The following CUL2 variants were observed in gnomAD, a reference collection of about 807,000 sequenced individuals.
CUL2 encodes the protein cullin 2.
In CUL2, 22 loss-of-function variants were observed where a neutral mutation model predicts 110.2. The ratio of observed to expected loss-of-function variants is 0.20; its 90% confidence interval spans 0.14 to 0.28. CUL2 has a LOEUF of 0.28. CUL2 is among the 10% of genes least tolerant of loss of function. The probability of loss-of-function intolerance (pLI) is 1.00; values close to 1 mark genes in which losing one functional copy is unlikely to be tolerated. For missense variants in CUL2, 631 were observed against 905.5 expected (o/e 0.70, Z 3.89); for synonymous variants, 279 against 293.2 (o/e 0.95, Z 0.49).
chr10:35,032,925 A>G (rs751459576), intron 11 of CUL2, among the ~76,000 whole-genome samples: 95 of 152,342 alleles, frequency 6.2e-4, no homozygotes, highest in Non-Finnish European at 9.4e-4. Flanking sequence ...GTCTATCCAG[A>G]ACATATCAGA....
upstream of CUL2, among the ~76,000 whole-genome samples, chr10:35,092,991 C>G (rs112355429): frequency 3.3e-5 from 5 of 152,214 alleles, 1 homozygote; most frequent in African/African-American, 1.2e-4. Context: ...CAGTATTGTA[C>G]AACTTTAGAT....
At chr10:35,074,228 A>C in intron 1 of CUL2, 1 of 1,535,144 alleles carries the variant, frequency 6.5e-7, no homozygotes, top group African/African-American at 1.4e-5. Flanking sequence ...TCTGTACATA[A>C]AGTACAAAGT....
chr10:35,067,287 C>G (rs1336703240), intron 2 of CUL2, among the ~76,000 whole-genome samples: 1 of 152,100 alleles, frequency 6.6e-6, no homozygotes, highest in Non-Finnish European at 1.5e-5. Context: ...CTTACTATAA[C>G]CTTTAGATGC....
intron 3 of CUL2, 147 bp from the exon 4 acceptor site, chr10:35,061,115 G>C: frequency 1.2e-6 from 1 of 861,710 alleles, no homozygotes; most frequent in Non-Finnish European, 1.7e-6. Context: ...TTAACTACAC[G>C]TATTAAAAAT....
At chr10:35,110,031 TGG>T (rs1225947882) in intron 1 of CUL2, among the ~76,000 whole-genome samples, 4 of 152,152 alleles carry the variant, frequency 2.6e-5, no homozygotes, top group Non-Finnish European at 5.9e-5. Flanking sequence ...AAAAATTAGC[TGG>T]GTGTGGTGTT....
At chr10:35,029,198 C>T (rs1188210959) in intron 15 of CUL2, among the ~76,000 whole-genome samples, 1 of 152,128 alleles carries the variant, frequency 6.6e-6, no homozygotes, top group East Asian at 1.9e-4. Flanking sequence ...ACTGGGATTA[C>T]AGGCACGCAC....
At chr10:35,069,246 G>C (rs972060141) in intron 2 of CUL2, among the ~76,000 whole-genome samples, 6 of 151,906 alleles carry the variant, frequency 3.9e-5, no homozygotes, top group Non-Finnish European at 8.8e-5. Flanking sequence ...AAAATAACTG[G>C]CCCAGCCACC....
chr10:35,062,021 T>C (rs115785334), intron 3 of CUL2, among the ~76,000 whole-genome samples: 53 of 152,272 alleles, frequency 3.5e-4, no homozygotes, highest in African/African-American at 1.2e-3. Context: ...ACTCAGTCCA[T>C]AAGGTAGTTG....
At chr10:35,098,651 C>T (rs917059125) in intron 2 of CUL2, among the ~76,000 whole-genome samples, 3 of 152,086 alleles carry the variant, frequency 2.0e-5, no homozygotes, top group African/African-American at 7.2e-5. Flanking sequence ...AATAAGCAGG[C>T]GGGGCACAGT....
chr10:35,044,064 A>AAAAC (rs1554858372), intron 8 of CUL2, among the ~76,000 whole-genome samples: 9 of 143,344 alleles, frequency 6.3e-5, no homozygotes, highest in African/African-American at 2.4e-4. Context: ...AAAAAAAAAA[A>AAAAC]AAAAAAAAAA....
chr10:35,072,514 G>T (rs940142254), intron 1 of CUL2, among the ~76,000 whole-genome samples: 3 of 151,960 alleles, frequency 2.0e-5, no homozygotes, highest in South Asian at 2.1e-4. Context: ...GACTACAGGC[G>T]CCCGCCACCA....
upstream of CUL2, among the ~76,000 whole-genome samples, chr10:35,094,041 T>C (rs1405981299): frequency 2.6e-5 from 4 of 152,282 alleles, no homozygotes; most frequent in East Asian, 1.9e-4. Context: ...TATAGATAGA[T>C]AGTTTCCTGA....
chr10:35,026,416 A>G (rs1438823966), intron 16 of CUL2, among the ~76,000 whole-genome samples: 2 of 152,238 alleles, frequency 1.3e-5, no homozygotes, highest in Non-Finnish European at 2.9e-5. Flanking sequence ...AATCTGGACA[A>G]AAGCAAAATA....
chr10:35,116,611 C>T (rs1462463288), intron 1 of CUL2, among the ~76,000 whole-genome samples: 1 of 151,788 alleles, frequency 6.6e-6, no homozygotes, highest in Non-Finnish European at 1.5e-5. Flanking sequence ...AAGAATATGA[C>T]TTTTGGGGGA....
chr10:35,055,868 A>G (rs2086229289), intron 4 of CUL2, among the ~76,000 whole-genome samples: 1 of 152,142 alleles, frequency 6.6e-6, no homozygotes, highest in African/African-American at 2.4e-5. Flanking sequence ...TGAGAGACAA[A>G]AGTAAAAGGT....
chr10:35,101,034 C>T (rs2087370852), exon 2 of CUL2: 1 of 152,140 alleles, frequency 6.6e-6, no homozygotes, highest in African/African-American at 2.4e-5. Flanking sequence ...AGCCTTGGAA[C>T]AATCAGGAAT....
In CUL2 at chr10:35,008,884, AT is replaced by A. The variant is rs1169174216; in HGVS notation, c.*1426del. 1.3e-5 allele frequency: 2 copies of A among 152,136 alleles called. No homozygotes were observed. The highest frequency in any genetic ancestry group is 2.9e-5 in the Non-Finnish European group (2 of 68,028). The allele number at this position is 152,136 out of a possible 1,614,324, so 9.4% of individuals were successfully genotyped here. A position where few individuals can be genotyped will look rare whatever the true frequency, so the allele number is the denominator to read the frequency against. On this transcript the variant is annotated 3_prime_UTR_variant, in exon 21 of 21. Transcript: ENST00000374749. Reference sequence around the variant, plus strand: ...GATTTTTTAAAGGCCTTACTGAAGTATTATAAGTGAAATAATTTGTGTGATT... The same window carrying A: ...GATTTTTTAAAGGCCTTACTGAAGTATATAAGTGAAATAATTTGTGTGATT...
intron 9 of CUL2, among the ~76,000 whole-genome samples, chr10:35,036,523 C>G (rs2085624817): frequency 6.6e-6 from 1 of 152,160 alleles, no homozygotes; most frequent in African/African-American, 2.4e-5. Flanking sequence ...ACTTAGCGGT[C>G]AGTGCCAGTT....
rs368435601 is a variant in CUL2 at position 35,096,527 on chromosome 10, C to T, written c.167+4317G>A. On this transcript the variant is annotated intron_variant, in intron 2 of 5. Transcript: ENST00000685421. Reference sequence around the variant, plus strand: ...ACTCTGGAGGCTGAAATGGGAGGATCACTTGAGTCCAGGAGGTCATGTTTG... The same window carrying T: ...ACTCTGGAGGCTGAAATGGGAGGATTACTTGAGTCCAGGAGGTCATGTTTG... Among the ~76,000 whole-genome samples, 392 of 152,198 alleles carry T rather than the reference C, an allele frequency of 2.6e-3. 2 individuals carry two copies. The highest frequency in any genetic ancestry group is 0.02 in the South Asian group (96 of 4,820).
Sources: allele counts gnomAD v4.1 joint callset (sites outside exome capture counted in the v4.1 genomes callset), GRCh38; gene constraint gnomAD v4.1.1; transcripts MANE v1.5; gene names NCBI Gene and HGNC (gene_info 2026-07-23, HGNC 2026-07-21).